Variants in RIMS2 observed in about 807,000 individuals in gnomAD.
RIMS2 encodes regulating synaptic membrane exocytosis 2, also known as regulating synaptic membrane exocytosis protein 2.
Under a neutral mutation model 174.4 loss-of-function variants are expected in RIMS2, and 59 were observed. The ratio of observed to expected loss-of-function variants is 0.34; its 90% confidence interval spans 0.27 to 0.42. RIMS2 has a LOEUF of 0.42. Ranked by LOEUF, RIMS2 falls within the 10% of genes least tolerant of loss-of-function variation. RIMS2 has a pLI of 1.00. For missense variants in RIMS2, 1,620 were observed against 1,666.3 expected (o/e 0.97, Z 0.48); for synonymous variants, 606 against 572.5 (o/e 1.06, Z -0.84).
At chr8:103,668,980 G>T (rs1018425134) in intron 1 of RIMS2, among the ~76,000 whole-genome samples, 1 of 152,102 alleles carries the variant, frequency 6.6e-6, no homozygotes, top group East Asian at 1.9e-4. Flanking sequence ...TAAGTGTGTA[G>T]CATTGTTTTC....
chr8:104,234,260 A>T (rs1014867019), intron 19 of RIMS2, among the ~76,000 whole-genome samples: 2 of 152,158 alleles, frequency 1.3e-5, no homozygotes, highest in Non-Finnish European at 2.9e-5. Flanking sequence ...ATATCATCTG[A>T]TTCTAAAATG....
At chr8:103,637,411 T>G (rs2096114007) in intron 1 of RIMS2, among the ~76,000 whole-genome samples, 1 of 152,224 alleles carries the variant, frequency 6.6e-6, no homozygotes, top group African/African-American at 2.4e-5. Flanking sequence ...TAATGCTGGC[T>G]TCACAAACTG....
intron 3 of RIMS2, among the ~76,000 whole-genome samples, chr8:103,796,419 A>C (rs1243528311): frequency 6.6e-6 from 1 of 152,204 alleles, no homozygotes; most frequent in Non-Finnish European, 1.5e-5. Context: ...TAATTTTAAC[A>C]TACCAAAATT....
At chr8:103,580,825 C>CTTT (rs61559970) in intron 1 of RIMS2, among the ~76,000 whole-genome samples, 24,749 of 112,424 alleles carry the variant, frequency 0.22, 3,923 homozygotes, top group East Asian at 0.68. Context: ...AAAGGGAATA[C>CTTT]TTTTTTTTTT....
At chr8:104,009,977 T>C (rs1565826702) in intron 17 of RIMS2, among the ~76,000 whole-genome samples, 2 of 109,702 alleles carry the variant, frequency 1.8e-5, no homozygotes, top group Non-Finnish European at 4.0e-5. Context: ...TTGTGAAAGA[T>C]ATGGATGGAT....
chr8:104,223,923 G>A (rs550148251), intron 19 of RIMS2: 22 of 732,948 alleles, frequency 3.0e-5, no homozygotes, highest in African/African-American at 2.9e-4. Context: ...GACTGTGCCG[G>A]GGGCGACAGC....
intron 15 of RIMS2, among the ~76,000 whole-genome samples, chr8:103,973,270 G>A (rs1294255156): frequency 1.3e-5 from 2 of 151,990 alleles, no homozygotes; most frequent in Non-Finnish European, 2.9e-5. Flanking sequence ...TTTTACCTCT[G>A]TTTTCTCAAA....
At position 103,734,888 on chromosome 8, in the gene RIMS2, T is replaced by C. The variant is rs1360576334; in HGVS notation, c.388-31339T>C. ...AAGGCCTGAAATACTGGAGGGTTCT[T>C]CTCTCAGTTTTCTAATCACACTTCT... On this transcript the variant is annotated intron_variant, in intron 2 of 23. Transcript: ENST00000504942. Among the ~76,000 whole-genome samples the C allele has an allele frequency of 2.0e-5, 3 of 151,628 alleles. No homozygotes were observed. In the East Asian group the frequency reaches 5.8e-4, roughly 29 times the overall value.
intron 1 of RIMS2, among the ~76,000 whole-genome samples, chr8:103,650,289 C>T (rs1480071913): frequency 6.6e-6 from 1 of 152,118 alleles, no homozygotes; most frequent in Admixed American, 6.5e-5. Flanking sequence ...GGCAGCCTTC[C>T]CCTTTTTCTG....
intron 2 of RIMS2, among the ~76,000 whole-genome samples, chr8:103,715,484 A>G (rs2097357122): frequency 6.6e-6 from 1 of 152,156 alleles, no homozygotes; most frequent in African/African-American, 2.4e-5. Flanking sequence ...TATCACCCAT[A>G]TTTCAAAGAA....
At chr8:103,543,377 G>A (rs552063585) in intron 1 of RIMS2, among the ~76,000 whole-genome samples, 6 of 152,050 alleles carry the variant, frequency 3.9e-5, no homozygotes, top group Admixed American at 2.6e-4. Context: ...ACAAATAAAT[G>A]GATAGATATA....
chr8:103,623,874 A>G (rs975774027), intron 1 of RIMS2, among the ~76,000 whole-genome samples: 6 of 152,080 alleles, frequency 3.9e-5, no homozygotes, highest in African/African-American at 1.2e-4. Context: ...GATCTATCAC[A>G]TTAACTAAAT....
chr8:104,199,040 CTTTTATTTTA>C (rs61341032), intron 19 of RIMS2, among the ~76,000 whole-genome samples: 107,089 of 148,346 alleles, frequency 0.72, 39,210 homozygotes, highest in African/African-American at 0.84. Flanking sequence ...TAAAATATAA[CTTTTATTTTA>C]TTTTATTTTA....
intron 3 of RIMS2, among the ~76,000 whole-genome samples, chr8:103,827,685 A>G (rs1202327508): frequency 6.6e-6 from 1 of 152,102 alleles, no homozygotes; most frequent in Non-Finnish European, 1.5e-5. Flanking sequence ...AAATACAAGA[A>G]TTAGCTGGGC....
At chr8:103,734,176 C>A (rs866699805) in intron 2 of RIMS2, among the ~76,000 whole-genome samples, 2 of 151,710 alleles carry the variant, frequency 1.3e-5, no homozygotes, top group Non-Finnish European at 2.9e-5. Flanking sequence ...CCACACCCAG[C>A]TAATTTTTGT....
At chr8:104,019,483 T>C (rs1268393150) in intron 19 of RIMS2, among the ~76,000 whole-genome samples, 1 of 152,172 alleles carries the variant, frequency 6.6e-6, no homozygotes, top group Non-Finnish European at 1.5e-5. Context: ...ACATAAGATA[T>C]ATTTTCATGG....
At chr8:103,972,496 G>A (rs2092987675) in intron 15 of RIMS2, among the ~76,000 whole-genome samples, 1 of 152,110 alleles carries the variant, frequency 6.6e-6, no homozygotes, top group Admixed American at 6.5e-5. Flanking sequence ...ACCCACGAAT[G>A]GGTTAAAATC....
chr8:103,927,704 T>G, intron 10 of RIMS2: 1 of 661,422 alleles, frequency 1.5e-6, no homozygotes, highest in Non-Finnish European at 2.7e-6. Context: ...AGTACTTAAT[T>G]TTGATAAATA....
chr8:103,826,604 T>C (rs1438115545), intron 3 of RIMS2, among the ~76,000 whole-genome samples: 1 of 151,600 alleles, frequency 6.6e-6, no homozygotes, highest in Non-Finnish European at 1.5e-5. Context: ...GTAATTTTGA[T>C]GTCAGGCAGT....
Sources: allele counts gnomAD v4.1 joint callset (sites outside exome capture counted in the v4.1 genomes callset), GRCh38; gene constraint gnomAD v4.1.1; transcripts MANE v1.5; gene names NCBI Gene and HGNC (gene_info 2026-07-23, HGNC 2026-07-21).